FRMD4A: variants seen among roughly 807,000 people sequenced by gnomAD.
The protein encoded by FRMD4A is FERM domain containing 4A.
FRMD4A carries 29 observed loss-of-function variants against 129.1 expected under a neutral mutation model. The observed-to-expected ratio is 0.22, with a 90% confidence interval of 0.17 to 0.31. FRMD4A has a LOEUF of 0.31. Among genes scored for constraint, FRMD4A ranks in the 10% least tolerant of loss-of-function variants. FRMD4A has a pLI of 1.00. For missense variants in FRMD4A, 1,272 were observed against 1,375.8 expected (o/e 0.92, Z 1.19); for synonymous variants, 634 against 571.6 (o/e 1.11, Z -1.56).
chr10:13,725,065 C>T (rs1355941627), intron 12 of FRMD4A, among the ~76,000 whole-genome samples: 2 of 152,348 alleles, frequency 1.3e-5, no homozygotes, highest in African/African-American at 4.8e-5. Flanking sequence ...TCCTTTCTTT[C>T]ATTCATGACT....
chr10:14,321,226 T>G (rs997160924), intron 2 of FRMD4A, among the ~76,000 whole-genome samples: 1 of 151,946 alleles, frequency 6.6e-6, no homozygotes, highest in Non-Finnish European at 1.5e-5. Context: ...GAATAAAGTA[T>G]AGAGAAATAC....
At chr10:14,144,141 C>A (rs915839104) in intron 2 of FRMD4A, among the ~76,000 whole-genome samples, 2 of 152,142 alleles carry the variant, frequency 1.3e-5, no homozygotes, top group Non-Finnish European at 2.9e-5. Context: ...TCGGTGTCCT[C>A]CAGATTCCTC....
chr10:13,975,015 G>A (rs1432342667), intron 2 of FRMD4A, among the ~76,000 whole-genome samples: 3 of 151,982 alleles, frequency 2.0e-5, no homozygotes, highest in African/African-American at 7.3e-5. Flanking sequence ...GTGCATGTGT[G>A]TGTCTGTGCG....
At chr10:13,923,745 T>C (rs922008231) in intron 2 of FRMD4A, among the ~76,000 whole-genome samples, 1 of 152,224 alleles carries the variant, frequency 6.6e-6, no homozygotes, top group Non-Finnish European at 1.5e-5. Flanking sequence ...ATCTTTAAGA[T>C]ATTTCATCTT....
intron 2 of FRMD4A, among the ~76,000 whole-genome samples, chr10:14,195,950 G>T (rs900516270): frequency 6.6e-6 from 1 of 152,202 alleles, no homozygotes; most frequent in Non-Finnish European, 1.5e-5. Flanking sequence ...GTTTTGTTCA[G>T]TATGTTTACA....
intron 5 of FRMD4A, among the ~76,000 whole-genome samples, chr10:13,785,709 T>C (rs2092837699): frequency 6.6e-6 from 1 of 152,226 alleles, no homozygotes; most frequent in African/African-American, 2.4e-5. Context: ...GCCATGTTGG[T>C]GTGCTGCACC....
intron 2 of FRMD4A, among the ~76,000 whole-genome samples, chr10:13,996,565 G>A (rs2095623202): frequency 6.6e-6 from 1 of 152,088 alleles, no homozygotes; most frequent in African/African-American, 2.4e-5. Flanking sequence ...ATGTGTCAGG[G>A]GTACCATCTT....
At chr10:13,729,972 C>G (rs529796703) in intron 12 of FRMD4A, among the ~76,000 whole-genome samples, 1 of 152,306 alleles carries the variant, frequency 6.6e-6, no homozygotes, top group South Asian at 2.1e-4. Context: ...TGCTTAAAGC[C>G]TCAGATACAG....
At chr10:13,722,715 G>A (rs2089537271) in intron 12 of FRMD4A, among the ~76,000 whole-genome samples, 1 of 152,224 alleles carries the variant, frequency 6.6e-6, no homozygotes. Context: ...ACTAGAGAGG[G>A]CCATGAGCAG....
intron 6 of FRMD4A, among the ~76,000 whole-genome samples, chr10:13,781,577 C>T (rs991491504): frequency 6.6e-6 from 1 of 151,908 alleles, no homozygotes; most frequent in Non-Finnish European, 1.5e-5. Flanking sequence ...GGGGTTCCGC[C>T]ATGTTGGCCA....
At chr10:14,178,749 G>A (rs983550589) in intron 2 of FRMD4A, among the ~76,000 whole-genome samples, 2 of 151,862 alleles carry the variant, frequency 1.3e-5, no homozygotes, top group African/African-American at 4.8e-5. Flanking sequence ...CTCTCTGCTT[G>A]CAATTTACCA....
intron 2 of FRMD4A, among the ~76,000 whole-genome samples, chr10:14,104,457 C>G (rs147566640): frequency 5.0e-4 from 76 of 152,370 alleles, no homozygotes; most frequent in African/African-American, 1.8e-3. Context: ...CAATCTACTT[C>G]TCTAAGCGGG....
intron 2 of FRMD4A, among the ~76,000 whole-genome samples, chr10:14,092,853 G>A (rs1836735938): frequency 6.6e-6 from 1 of 152,202 alleles, no homozygotes; most frequent in Admixed American, 6.5e-5. Context: ...GACTAGATGA[G>A]GTCAACTGCT....
intron 2 of FRMD4A, among the ~76,000 whole-genome samples, chr10:13,864,121 G>A (rs1489489944): frequency 3.3e-5 from 5 of 151,688 alleles, no homozygotes; most frequent in Admixed American, 1.3e-4. Context: ...TCAGCCTCCC[G>A]AGTAGCTGGG....
intron 2 of FRMD4A, among the ~76,000 whole-genome samples, chr10:13,982,393 G>A (rs1437951816): frequency 6.6e-6 from 1 of 150,720 alleles, no homozygotes; most frequent in Non-Finnish European, 1.5e-5. Flanking sequence ...TGAGGTAGGA[G>A]AATGACTTGA....
At position 13,746,401 on chromosome 10, in the gene FRMD4A, G is replaced by T. The variant is rs1274583852; in HGVS notation, c.548+1335C>A. ...AATTTTTTTTTGTATTTTTAGTAGA[G>T]ACGGGGTTTCATCATGTTGGCCAGG... On this transcript the variant is annotated intron_variant, in intron 9 of 24. Transcript: ENST00000357447. 2.0e-5 allele frequency among the ~76,000 whole-genome samples: 3 copies of T among 152,074 alleles called. No individual in the cohort carries two copies. In the East Asian group the frequency reaches 5.8e-4, roughly 29 times the overall value.
At chr10:13,987,227 G>A (rs902564062) in intron 2 of FRMD4A, among the ~76,000 whole-genome samples, 3 of 152,040 alleles carry the variant, frequency 2.0e-5, no homozygotes, top group South Asian at 2.1e-4. Context: ...CTGAACTATC[G>A]TGGGATAGAA....
intron 2 of FRMD4A, among the ~76,000 whole-genome samples, chr10:14,313,172 G>C (rs1333309870): frequency 6.7e-6 from 1 of 148,826 alleles, no homozygotes; most frequent in Non-Finnish European, 1.5e-5. Context: ...GGGCAATATA[G>C]TGAGACCTCA....
intron 2 of FRMD4A, among the ~76,000 whole-genome samples, chr10:13,969,677 C>T (rs967610750): frequency 4.6e-5 from 7 of 151,916 alleles, no homozygotes; most frequent in African/African-American, 1.7e-4. Flanking sequence ...GTAGTGAGAC[C>T]CCCATCTCTA....
Sources: gnomAD v4.1 joint callset for allele counts (sites outside exome capture counted in the v4.1 genomes callset) on GRCh38, gnomAD v4.1.1 for gene constraint, MANE v1.5 for transcripts, NCBI Gene and HGNC (gene_info 2026-07-23, HGNC 2026-07-21) for gene names.